PMS1: variants seen among roughly 807,000 people sequenced by gnomAD.
PMS1 encodes the protein PMS1 homolog 1, mismatch repair system component, also known as PMS1 protein homolog 1.
A neutral mutation model predicts 93.1 loss-of-function variants in PMS1; 79 were observed. The ratio of observed to expected loss-of-function variants is 0.85; its 90% confidence interval spans 0.71 to 1.02. The LOEUF (loss-of-function observed/expected upper bound fraction) is 1.02. Among genes scored for constraint, PMS1 ranks in the 50% least tolerant of loss-of-function variants. The pLI is 0.00. For synonymous variants in PMS1, 335 were observed against 363.4 expected (o/e 0.92, Z 0.89); for missense variants, 1,064 against 1,085.3 (o/e 0.98, Z 0.28).
At chr2:189,811,012 G>A (rs1046930710) in intron 4 of PMS1, among the ~76,000 whole-genome samples, 5 of 150,758 alleles carry the variant, frequency 3.3e-5, no homozygotes, top group Admixed American at 6.6e-5. Context: ...AAAGAATTTA[G>A]AAGAAAAGAT....
chr2:189,794,989 C>G (rs5742977), intron 2 of PMS1, among the ~76,000 whole-genome samples: 1 of 152,072 alleles, frequency 6.6e-6, no homozygotes, highest in Admixed American at 6.6e-5. Flanking sequence ...AGTCCCAGCA[C>G]CTCAAGAGGC....
At chr2:189,835,823 G>A (rs555268700) in intron 5 of PMS1, among the ~76,000 whole-genome samples, 1 of 151,342 alleles carries the variant, frequency 6.6e-6, no homozygotes, top group African/African-American at 2.4e-5. Flanking sequence ...AGCTAATCGG[G>A]AGGCTGAGGC....
intron 5 of PMS1, among the ~76,000 whole-genome samples, chr2:189,834,335 A>T (rs1029033189): frequency 6.6e-6 from 1 of 152,204 alleles, no homozygotes; most frequent in Non-Finnish European, 1.5e-5. Flanking sequence ...TGAGGCTACG[A>T]AGCTTGCTTG....
intron 9 of PMS1, among the ~76,000 whole-genome samples, chr2:189,860,957 C>T (rs1310507093): frequency 6.6e-6 from 1 of 150,872 alleles, no homozygotes; most frequent in African/African-American, 2.4e-5. Context: ...TTTAGACTAT[C>T]CTCGTCTTTA....
chr2:189,794,274 G>A (rs532925471), intron 2 of PMS1, among the ~76,000 whole-genome samples: 8 of 151,830 alleles, frequency 5.3e-5, no homozygotes, highest in African/African-American at 1.7e-4. Context: ...CACCATGCCC[G>A]GCTAATTTTT....
intron 9 of PMS1, chr2:189,855,911 A>T (rs2055280377): frequency 1.0e-6 from 1 of 966,440 alleles, no homozygotes; most frequent in South Asian, 2.5e-5. Context: ...CTCCAATCAT[A>T]TACAGGTATC....
At chr2:189,818,629 G>A (rs930873762) in intron 5 of PMS1, among the ~76,000 whole-genome samples, 1 of 152,132 alleles carries the variant, frequency 6.6e-6, no homozygotes, top group Non-Finnish European at 1.5e-5. Context: ...CAAAATGTTA[G>A]TCCACATTTA....
chr2:189,819,983 G>A (rs1238001080), intron 5 of PMS1, among the ~76,000 whole-genome samples: 1 of 152,162 alleles, frequency 6.6e-6, no homozygotes, highest in African/African-American at 2.4e-5. Context: ...TAATTATTCT[G>A]TTTATCTAAT....
intron 1 of PMS1, 114 bp from the exon 2 acceptor site, chr2:189,791,676 C>A: frequency 1.4e-6 from 1 of 725,120 alleles, no homozygotes; most frequent in Non-Finnish European, 2.4e-6. Context: ...TTGAGCGTAG[C>A]ATACAGTAAG....
chr2:189,828,436 A>T (rs1316346801), intron 5 of PMS1, among the ~76,000 whole-genome samples: 1 of 152,218 alleles, frequency 6.6e-6, no homozygotes. Context: ...ATAAATGTGT[A>T]ATTATTGTGT....
chr2:189,784,732 C>T (rs1403414055), intron 1 of PMS1, 139 bp downstream of exon 1: 1 of 152,706 alleles, frequency 6.5e-6, no homozygotes, highest in African/African-American at 2.4e-5. Context: ...CGAAGCCGGG[C>T]TTGCGGGCGC....
Position 189,843,988 on chromosome 2 carries a change from G to GT in PMS1, c.608dup (p.Ser204IlefsTer27), listed in dbSNP as rs773199906. 1.2e-6 allele frequency: 2 copies of GT among 1,613,956 alleles called. No homozygotes were observed. The highest frequency in any genetic ancestry group is 1.3e-5 in the African/African-American group (1 of 75,038). On this transcript the variant is annotated frameshift_variant, in exon 6 of 13. Transcript: ENST00000441310. LOFTEE classifies it high-confidence loss of function. ...GGCAGTTATTTGGCAGAAAAGCAGA[G>GT]TATCAGATCACAAGATGGCTCTCAT...
At chr2:189,835,272 AC>A (rs2053285390) in intron 5 of PMS1, among the ~76,000 whole-genome samples, 1 of 152,358 alleles carries the variant, frequency 6.6e-6, no homozygotes, top group Non-Finnish European at 1.5e-5. Flanking sequence ...CATAAATTTT[AC>A]CAAGACAATC....
At chr2:189,796,617 T>C (rs953797172) in intron 3 of PMS1, among the ~76,000 whole-genome samples, 11 of 152,340 alleles carry the variant, frequency 7.2e-5, no homozygotes, top group African/African-American at 2.6e-4. Flanking sequence ...AGTGGACTCA[T>C]AAAATATTTG....
chr2:189,794,861 C>T (rs2049199949), intron 2 of PMS1, among the ~76,000 whole-genome samples: 1 of 152,098 alleles, frequency 6.6e-6, no homozygotes, highest in Non-Finnish European at 1.5e-5. Flanking sequence ...CTTTGGGAAG[C>T]TGAGGCAGGA....
chr2:189,835,809 T>C (rs2053329766), intron 5 of PMS1, among the ~76,000 whole-genome samples: 1 of 149,688 alleles, frequency 6.7e-6, no homozygotes, highest in Non-Finnish European at 1.5e-5. Flanking sequence ...GCACCTGTAG[T>C]CCCAGCTAAT....
chr2:189,854,570 A>C lies in PMS1; in HGVS notation c.1298A>C (p.Lys433Thr), dbSNP rs148690800. ...SEISNIDKNT[K>T]NAFQDISMSN... is the part of the protein sequence containing the mutation. ...ATTTCTAACATTGATAAAAACACTA[A>C]GAATGCATTTCAGGACATTTCAATG... is the stretch of plus-strand genomic sequence containing the variant. Residue 433 changes from lysine to threonine, a missense_variant, in exon 9 of 13, where the codon AAG (lysine) becomes ACG (threonine). By Grantham distance (78) the Lys-to-Thr change is moderately conservative (BLOSUM62 -1). Coordinates refer to ENST00000441310, the MANE Select transcript of PMS1 (RefSeq NM_000534.5). 9.3e-6 allele frequency: 15 copies of C among 1,613,472 alleles called. No homozygotes were observed. Among genetic ancestry groups the C allele is most frequent in the Admixed American group, 5.0e-5 (3 of 59,996 alleles).
chr2:189,792,688 AAT>A (rs3067428), intron 2 of PMS1, among the ~76,000 whole-genome samples: 14,840 of 126,940 alleles, frequency 0.12, 747 homozygotes, highest in South Asian at 0.17. Context: ...TATGGACACA[AAT>A]ATATATATAT....
chr2:189,863,385 C>CTGGGACTACAAG (rs1351313686), intron 9 of PMS1, among the ~76,000 whole-genome samples: 4 of 151,812 alleles, frequency 2.6e-5, no homozygotes, highest in Non-Finnish European at 5.9e-5. Flanking sequence ...TTCTGAGTAG[C>CTGGGACTACAAG]TGGGACTACA....
Sources: gnomAD v4.1 joint callset for allele counts (sites outside exome capture counted in the v4.1 genomes callset) on GRCh38, gnomAD v4.1.1 for gene constraint, MANE v1.5 for transcripts, NCBI Gene and HGNC (gene_info 2026-07-23, HGNC 2026-07-21) for gene names.